The following CACNA1E variants were observed in gnomAD, a reference collection of about 807,000 sequenced individuals.
CACNA1E encodes calcium voltage-gated channel subunit alpha1 E.
In CACNA1E, 40 loss-of-function variants were observed where a neutral mutation model predicts 259.2. The ratio of observed to expected loss-of-function variants is 0.15; its 90% CI spans 0.12 to 0.20. The LOEUF (loss-of-function observed/expected upper bound fraction) is 0.20, where lower values mean the gene tolerates loss of function less well. Ranked by LOEUF, CACNA1E falls within the 10% of genes least tolerant of loss-of-function variation. The pLI is 1.00. For missense variants in CACNA1E, 1,874 were observed against 3,040.1 expected (o/e 0.62, Z 9.02); for synonymous variants, 1,104 against 1,138.5 (o/e 0.97, Z 0.61).
chr1:181,679,765 T>C (rs1457596295), intron 7 of CACNA1E, among the ~76,000 whole-genome samples: 1 of 152,112 alleles, frequency 6.6e-6, no homozygotes, highest in Non-Finnish European at 1.5e-5. Context: ...GCAGGCAACC[T>C]GTTACTTGCC....
At chr1:181,644,059 C>T (rs1291674831) in intron 6 of CACNA1E, among the ~76,000 whole-genome samples, 1 of 152,174 alleles carries the variant, frequency 6.6e-6, no homozygotes, top group Non-Finnish European at 1.5e-5. Flanking sequence ...TCTAGGTCCT[C>T]ATTCTTTCCC....
chr1:181,762,453 A>G (rs1211922049), intron 32 of CACNA1E, 121 bp from the exon 33 acceptor site: 16 of 670,498 alleles, frequency 2.4e-5, no homozygotes, highest in African/African-American at 5.5e-5. Context: ...GAGTGAACTT[A>G]TGCATTAATT....
rs1436727044 is a variant in CACNA1E at position 181,711,008 on chromosome 1, G to C, written c.1110G>C (p.Leu370=). The C allele has an allele frequency of 6.2e-7, 1 of 1,613,970 alleles. No individual in the cohort carries two copies. The highest frequency in any genetic ancestry group is 2.2e-5 in the East Asian group (1 of 44,888). Residue 370 remains leucine (L), a synonymous_variant, in exon 8 of 48, where the codon CTG becomes CTC. Coordinates refer to ENST00000367573, the MANE Select transcript of CACNA1E (RefSeq NM_001205293.3). The part of the protein sequence containing the change: ...RVENRRAFMK[L]RRQQQIEREL... ...AGAACCGAAGGGCTTTCATGAAGCT[G>C]CGGCGCCAGCAGCAGATTGAGCGTG...
chr1:181,436,293 A>G (rs1558003557), intron 2 of CACNA1E, among the ~76,000 whole-genome samples: 2 of 152,274 alleles, frequency 1.3e-5, no homozygotes, highest in African/African-American at 2.4e-5. Flanking sequence ...GCCATTATGG[A>G]AAATAGTATG....
intron 3 of CACNA1E, among the ~76,000 whole-genome samples, chr1:181,520,198 C>G (rs898872651): frequency 1.3e-5 from 2 of 152,012 alleles, no homozygotes; most frequent in African/African-American, 4.8e-5. Context: ...ATGAGGAAAC[C>G]AAAACTTAAA....
chr1:181,582,484 G>C (rs1172478370), intron 6 of CACNA1E, among the ~76,000 whole-genome samples: 1 of 152,208 alleles, frequency 6.6e-6, no homozygotes, highest in Non-Finnish European at 1.5e-5. Flanking sequence ...AATTATATGT[G>C]TAGACTCACC....
intron 1 of CACNA1E, among the ~76,000 whole-genome samples, chr1:181,368,527 C>G (rs947028531): frequency 1.3e-5 from 2 of 152,112 alleles, no homozygotes; most frequent in Non-Finnish European, 2.9e-5. Flanking sequence ...ACAAATAATT[C>G]AGACATCCCT....
chr1:181,362,825 C>A (rs924360008), intron 1 of CACNA1E, among the ~76,000 whole-genome samples: 23 of 152,044 alleles, frequency 1.5e-4, no homozygotes, highest in African/African-American at 5.6e-4. Context: ...AAATGAAAAC[C>A]AGACTCTTTT....
upstream of CACNA1E, among the ~76,000 whole-genome samples, chr1:181,479,679 C>A (rs2102446919): frequency 6.6e-6 from 1 of 152,330 alleles, no homozygotes; most frequent in African/African-American, 2.4e-5. Flanking sequence ...GTAAGCATAG[C>A]ATTTCCATAG....
At chr1:181,636,196 C>G (rs1386446275) in intron 6 of CACNA1E, among the ~76,000 whole-genome samples, 2 of 152,176 alleles carry the variant, frequency 1.3e-5, no homozygotes, top group African/African-American at 4.8e-5. Context: ...AGATACTGTA[C>G]CACATACAAG....
intron 42 of CACNA1E, 147 bp from the exon 43 acceptor site, chr1:181,785,566 G>A (rs2102846257): frequency 1.2e-6 from 1 of 863,930 alleles, no homozygotes; most frequent in Non-Finnish European, 2.0e-6. Context: ...TAGTGACGTG[G>A]AATTAGAAAC....
At chr1:181,408,173 G>T (rs992359336) in intron 1 of CACNA1E, among the ~76,000 whole-genome samples, 1 of 152,178 alleles carries the variant, frequency 6.6e-6, no homozygotes, top group African/African-American at 2.4e-5. Flanking sequence ...AAAAGCATGA[G>T]TTTCATTGAC....
rs542761877 is a variant in CACNA1E at position 181,786,596 on chromosome 1, C to T, written c.5786+777C>T. On this transcript the variant is annotated intron_variant, in intron 43 of 47. Coordinates refer to ENST00000367573, the MANE Select transcript of CACNA1E (RefSeq NM_001205293.3). ...TCCTTCTGAGTGATAAGCCTTTGCCCCAATTAATCTACTATAGCATATGTA... is the reference window on the plus strand; with the variant it reads ...TCCTTCTGAGTGATAAGCCTTTGCCTCAATTAATCTACTATAGCATATGTA... 8.5e-5 allele frequency among the ~76,000 whole-genome samples: 13 copies of T among 152,080 alleles called. No individual in the cohort carries two copies. The East Asian group carries it at 2.5e-3, about 29-fold the overall frequency.
rs767567788 is a variant in CACNA1E, at chr1:181,733,696, G to A, written c.3208G>A (p.Val1070Ile). 20 of 1,596,696 alleles carry A rather than the reference G, an allele frequency of 1.3e-5. No homozygotes were observed. Among genetic ancestry groups the A allele is most frequent in the African/African-American group, 2.7e-5 (2 of 73,996 alleles). ...TDKATTESTS[V>I]TVAIPDVDPL... Reference sequence around the variant, plus strand: ...CAAGGCCACCACCGAGAGCACCAGCGTCACCGTCGCCATCCCCGACGTGGA... The same window carrying A: ...CAAGGCCACCACCGAGAGCACCAGCATCACCGTCGCCATCCCCGACGTGGA... Residue 1070 changes from valine (V) to isoleucine (I), a missense_variant, in exon 21 of 48, where the codon GTC (valine) becomes ATC (isoleucine). By Grantham distance (29) the Val-to-Ile change is conservative. Around this residue, in one of 14 missense-constraint regions of CACNA1E, gnomAD observed 476 missense variants for 514.0 expected, o/e 0.93. Transcript: ENST00000367573.
At chr1:181,353,054 A>G (rs1042848552) in intron 1 of CACNA1E, among the ~76,000 whole-genome samples, 1 of 152,080 alleles carries the variant, frequency 6.6e-6, no homozygotes, top group Admixed American at 6.5e-5. Context: ...GCTGCTTGTT[A>G]TTGGCTGTGC....
intron 3 of CACNA1E, among the ~76,000 whole-genome samples, chr1:181,519,109 T>C (rs1196209318): frequency 6.6e-6 from 1 of 152,110 alleles, no homozygotes; most frequent in East Asian, 1.9e-4. Flanking sequence ...TGAGTGTATG[T>C]GGAAGAGGGA....
intron 7 of CACNA1E, among the ~76,000 whole-genome samples, chr1:181,667,665 G>A (rs1169962807): frequency 6.6e-6 from 1 of 152,044 alleles, no homozygotes; most frequent in Non-Finnish European, 1.5e-5. Context: ...CACCATTTAA[G>A]AGAATATTAA....
intron 2 of CACNA1E, among the ~76,000 whole-genome samples, chr1:181,470,423 T>G (rs1353110446): frequency 6.6e-6 from 1 of 152,176 alleles, no homozygotes; most frequent in Non-Finnish European, 1.5e-5. Context: ...ATTCTCTCTA[T>G]GTTGCCCAGG....
intron 3 of CACNA1E, among the ~76,000 whole-genome samples, chr1:181,542,861 T>C (rs1271016107): frequency 6.7e-6 from 1 of 150,144 alleles, no homozygotes; most frequent in South Asian, 2.2e-4. Context: ...TCCTGCAAGA[T>C]GCTCCATATA....
Sources: gnomAD v4.1 joint callset for allele counts (sites outside exome capture counted in the v4.1 genomes callset) on GRCh38, gnomAD v4.1.1 for gene constraint, gnomAD v4.1.1 regional missense constraint, MANE v1.5 for transcripts, NCBI Gene and HGNC (gene_info 2026-07-23, HGNC 2026-07-21) for gene names.